Variants in GALNT17 observed in about 807,000 individuals in gnomAD.
The protein encoded by GALNT17 is UDP-GalNAc:polypeptide N-acetylgalactosaminyltransferase-like 3.
A neutral mutation model predicts 63.7 loss-of-function variants in GALNT17; 29 were observed. That is an observed-to-expected ratio of 0.46 (90% CI 0.34 to 0.62). The LOEUF (loss-of-function observed/expected upper bound fraction) is 0.62, where lower values mean the gene tolerates loss of function less well. GALNT17 is among the 20% of genes least tolerant of loss of function. The probability of loss-of-function intolerance (pLI) is 0.01; values close to 1 mark genes in which losing one functional copy is unlikely to be tolerated. For missense variants in GALNT17, 603 were observed against 799.6 expected (o/e 0.75, Z 2.97); for synonymous variants, 305 against 318.3 (o/e 0.96, Z 0.45).
intron 7 of GALNT17, among the ~76,000 whole-genome samples, chr7:71,668,288 G>C (rs1202587560): frequency 6.6e-6 from 1 of 151,816 alleles, no homozygotes; most frequent in African/African-American, 2.4e-5. Flanking sequence ...AGGCCGAGGC[G>C]GGCAGATCAC....
intron 3 of GALNT17, among the ~76,000 whole-genome samples, chr7:71,401,499 C>G (rs1377406625): frequency 2.0e-5 from 3 of 152,196 alleles, no homozygotes; most frequent in Non-Finnish European, 1.5e-5. Context: ...AGGCCATAAA[C>G]TGGTCCATGG....
At chr7:71,578,876 C>T (rs952286682) in intron 6 of GALNT17, among the ~76,000 whole-genome samples, 1 of 152,116 alleles carries the variant, frequency 6.6e-6, no homozygotes, top group Non-Finnish European at 1.5e-5. Flanking sequence ...GAGATTTCCC[C>T]CTGCCTTCTC....
At chr7:71,593,420 G>A (rs573822549) in intron 6 of GALNT17, among the ~76,000 whole-genome samples, 10 of 151,574 alleles carry the variant, frequency 6.6e-5, no homozygotes, top group African/African-American at 2.2e-4. Flanking sequence ...TGCGTGCCAC[G>A]ACACCCAGCT....
In GALNT17 at chr7:71,644,527, C is replaced by CAAAA. The variant is rs58497593; in HGVS notation, c.1081-20865_1081-20862dup. Among the ~76,000 whole-genome samples, 171 of 23,590 alleles carry CAAAA rather than the reference C, an allele frequency of 7.2e-3. 5 individuals are homozygous for CAAAA. The highest frequency in any genetic ancestry group is 0.031 in the African/African-American group (126 of 4,040). The allele number at this position is 23,590 out of a possible 152,430, so 15.5% of individuals were successfully genotyped here. On this transcript the variant is annotated intron_variant, in intron 6 of 10. Coordinates refer to ENST00000333538, the MANE Select transcript of GALNT17 (RefSeq NM_022479.3). ...CTGGCGACAGAGCGAGACTCCATCT[C>CAAAA]AAAAAAAAAAAAAAAAAAAAAACAA...
intron 5 of GALNT17, among the ~76,000 whole-genome samples, chr7:71,426,015 ACAACCAGATCTCTTGAGAACTCTAT>A (rs1441800351): frequency 1.3e-5 from 2 of 152,148 alleles, no homozygotes; most frequent in East Asian, 3.9e-4. Flanking sequence ...ACACTTGTAA[ACAACCAGATCTCTTGAGAACTCTAT>A]CATGAGAACA....
chr7:71,157,659 G>A (rs12112578), intron 1 of GALNT17, among the ~76,000 whole-genome samples: 65,754 of 151,286 alleles, frequency 0.43, 15,422 homozygotes, highest in African/African-American at 0.55. Context: ...CTCCATCTCA[G>A]AAAGAAAAAA....
chr7:71,641,828 T>C (rs891809881), intron 6 of GALNT17, among the ~76,000 whole-genome samples: 1 of 152,100 alleles, frequency 6.6e-6, no homozygotes, highest in Non-Finnish European at 1.5e-5. Context: ...AAGTCTTAGC[T>C]GCTGTGGATG....
At chr7:71,579,439 ATAAT>A (rs1789597664) in intron 6 of GALNT17, among the ~76,000 whole-genome samples, 1 of 152,238 alleles carries the variant, frequency 6.6e-6, no homozygotes, top group Non-Finnish European at 1.5e-5. Context: ...CATGAAATAA[ATAAT>A]TAGCACTGTG....
chr7:71,616,648 T>C (rs1026785302), intron 6 of GALNT17, among the ~76,000 whole-genome samples: 45 of 143,712 alleles, frequency 3.1e-4, no homozygotes, highest in African/African-American at 1.1e-3. Flanking sequence ...AAATATATAA[T>C]GTATAATTAT....
intron 3 of GALNT17, among the ~76,000 whole-genome samples, chr7:71,394,638 C>T (rs1793105987): frequency 6.6e-6 from 1 of 152,150 alleles, no homozygotes; most frequent in African/African-American, 2.4e-5. Context: ...GATGAACTTA[C>T]TGTGTTTGCC....
intron 6 of GALNT17, among the ~76,000 whole-genome samples, chr7:71,616,046 CTGAG>C (rs935970150): frequency 6.6e-6 from 1 of 151,804 alleles, no homozygotes; most frequent in Non-Finnish European, 1.5e-5. Context: ...TTGGGCGAGA[CTGAG>C]TGTCTGTAAG....
rs564868297 is a variant in GALNT17, at chr7:71,636,319, A to G, written c.1081-29092A>G. 2.0e-5 allele frequency among the ~76,000 whole-genome samples: 3 copies of G among 152,276 alleles called. No homozygotes were observed. In the East Asian group the frequency reaches 5.8e-4, roughly 29 times the overall value. On this transcript the variant is annotated intron_variant, in intron 6 of 10. Transcript: ENST00000333538. ...GGGGACACAGGGAGACTATTAGAAC[A>G]CTGCAGTTCTCTGGGGAAGATGGTG...
chr7:71,542,259 T>C (rs1012607923), intron 5 of GALNT17, among the ~76,000 whole-genome samples: 1 of 152,066 alleles, frequency 6.6e-6, no homozygotes, highest in South Asian at 2.1e-4. Context: ...ACAGAACACT[T>C]CTAGGAAGGT....
intron 8 of GALNT17, among the ~76,000 whole-genome samples, chr7:71,671,611 C>T (rs1294769570): frequency 6.6e-6 from 1 of 152,154 alleles, no homozygotes; most frequent in African/African-American, 2.4e-5. Flanking sequence ...AGGCTGTTAC[C>T]AGCTGTGTGG....
At chr7:71,265,768 G>T (rs1467274819) in intron 1 of GALNT17, among the ~76,000 whole-genome samples, 1 of 152,166 alleles carries the variant, frequency 6.6e-6, no homozygotes, top group Non-Finnish European at 1.5e-5. Flanking sequence ...TGAGAAGGAA[G>T]GGATAGGTTG....
chr7:71,348,402 C>T (rs1428123093), intron 2 of GALNT17, among the ~76,000 whole-genome samples: 1 of 152,216 alleles, frequency 6.6e-6, no homozygotes, highest in Non-Finnish European at 1.5e-5. Context: ...AAAGTATTCT[C>T]ACCTGAAATG....
chr7:71,460,093 C>T (rs1275234250), intron 5 of GALNT17, among the ~76,000 whole-genome samples: 5 of 152,136 alleles, frequency 3.3e-5, no homozygotes, highest in Non-Finnish European at 7.3e-5. Flanking sequence ...CCAAGCTGTA[C>T]CCCGACCACC....
At chr7:71,259,710 C>T (rs995591343) in intron 1 of GALNT17, among the ~76,000 whole-genome samples, 9 of 144,320 alleles carry the variant, frequency 6.2e-5, no homozygotes, top group African/African-American at 2.0e-4. Context: ...GGCGCAATCT[C>T]GGCTCACTGC....
chr7:71,572,294 GA>G (rs1267687922), intron 6 of GALNT17, among the ~76,000 whole-genome samples: 1 of 150,966 alleles, frequency 6.6e-6, no homozygotes, highest in East Asian at 1.9e-4. Context: ...TTGAGCCCAG[GA>G]GTTCAAAACC....
Sources: gnomAD v4.1 joint callset for allele counts (sites outside exome capture counted in the v4.1 genomes callset) on GRCh38, gnomAD v4.1.1 for gene constraint, MANE v1.5 for transcripts, NCBI Gene and HGNC (gene_info 2026-07-23, HGNC 2026-07-21) for gene names.